Variants in FBXO11 observed in about 807,000 individuals in gnomAD.
FBXO11 encodes the protein F-box only protein 11.
Under a neutral mutation model 117.0 loss-of-function variants are expected in FBXO11, and 13 were observed. The observed-to-expected ratio is 0.11, with a 90% CI of 0.07 to 0.18. The LOEUF (loss-of-function observed/expected upper bound fraction) is 0.18, where lower values mean the gene tolerates loss of function less well. Among genes scored for constraint, FBXO11 ranks in the 10% least tolerant of loss-of-function variants. The pLI, the probability that FBXO11 is intolerant of heterozygous loss-of-function variation, is 1.00. For synonymous variants in FBXO11, 490 were observed against 380.5 expected (o/e 1.29, Z -3.35); for missense variants, 767 against 1,164.4 (o/e 0.66, Z 4.97).
chr2:47,860,948 G>A (rs1390148455), intron 1 of FBXO11, among the ~76,000 whole-genome samples: 1 of 149,892 alleles, frequency 6.7e-6, no homozygotes, highest in Admixed American at 6.7e-5. Flanking sequence ...CCGGGTTCAA[G>A]TGATTCTCCT....
At chr2:47,819,190 C>T (rs1480535835) in intron 14 of FBXO11, 112 bp from the exon 15 acceptor site, 8 of 964,832 alleles carry the variant, frequency 8.3e-6, no homozygotes, top group Admixed American at 2.7e-5. Flanking sequence ...TTTTTTCATC[C>T]GAGTAAGGAG....
At chr2:47,818,425 G>A (rs1183090522) in intron 16 of FBXO11, 9 of 186,906 alleles carry the variant, frequency 4.8e-5, no homozygotes, top group African/African-American at 2.1e-4. Context: ...GCATAAAACA[G>A]AAGCTTCATT....
intron 12 of FBXO11, among the ~76,000 whole-genome samples, chr2:47,822,716 G>C (rs1671476412): frequency 6.6e-6 from 1 of 152,138 alleles, no homozygotes; most frequent in South Asian, 2.1e-4. Flanking sequence ...ACAGCTTGCA[G>C]TTTTTGACTT....
intron 1 of FBXO11, among the ~76,000 whole-genome samples, chr2:47,863,905 C>T (rs935111836): frequency 3.3e-5 from 5 of 151,182 alleles, no homozygotes; most frequent in Admixed American, 2.6e-4. Flanking sequence ...TGTGCCAATG[C>T]ACTCCAACCT....
At chr2:47,828,845 C>A (rs1054491548) in intron 11 of FBXO11, among the ~76,000 whole-genome samples, 1 of 152,146 alleles carries the variant, frequency 6.6e-6, no homozygotes, top group Non-Finnish European at 1.5e-5. Flanking sequence ...TAACTAAAGG[C>A]TATAATAAGC....
At position 47,820,345 on chromosome 2, in the gene FBXO11, T is replaced by C. The variant is rs1243584915; in HGVS notation, c.1797+17A>G. ...TTTGATGCATGAGTTTATAGGGAAC[T>C]ATATACATTAACTTACCACATAAAT... On this transcript the variant is annotated intron_variant, in intron 14 of 22. Coordinates refer to ENST00000403359, the MANE Select transcript of FBXO11 (RefSeq NM_001190274.2). 1 of 1,602,844 alleles carries C rather than the reference T, an allele frequency of 6.2e-7. No individual in the cohort carries two copies. The highest frequency in any genetic ancestry group is 1.3e-5 in the African/African-American group (1 of 74,846).
At chr2:47,827,521 G>T (rs1671848590) in intron 11 of FBXO11, among the ~76,000 whole-genome samples, 1 of 152,072 alleles carries the variant, frequency 6.6e-6, no homozygotes, top group East Asian at 1.9e-4. Flanking sequence ...TGGCCAGGAT[G>T]GTCTGGAACT....
chr2:47,864,177 CTAAT>C (rs1675011282), intron 1 of FBXO11, among the ~76,000 whole-genome samples: 1 of 152,160 alleles, frequency 6.6e-6, no homozygotes, highest in Admixed American at 6.5e-5. Context: ...AGAATCCCTC[CTAAT>C]TAAATGTTCC....
At chr2:47,889,757 C>T (rs1677125291) in intron 1 of FBXO11, among the ~76,000 whole-genome samples, 1 of 151,928 alleles carries the variant, frequency 6.6e-6, no homozygotes, top group Non-Finnish European at 1.5e-5. Context: ...AGAAAATATT[C>T]CCCACATAAA....
At chr2:47,855,175 G>A (rs1364910851) in intron 1 of FBXO11, among the ~76,000 whole-genome samples, 7 of 151,772 alleles carry the variant, frequency 4.6e-5, no homozygotes, top group Non-Finnish European at 1.0e-4. Context: ...AAAATTTGGG[G>A]GAAAATGACA....
At position 47,814,756 on chromosome 2, in the gene FBXO11, A is replaced by G. The variant is rs535462177; in HGVS notation, c.2007-889T>C. ...TTCCTTTCACGGAAGATTTCTCTGT[A>G]GCATGCAATGTTGTTATAGCATTTT... On this transcript the variant is annotated intron_variant, in intron 16 of 22. Coordinates refer to ENST00000403359, the MANE Select transcript of FBXO11 (RefSeq NM_001190274.2). Among the ~76,000 whole-genome samples, 3 of 152,226 alleles carry G rather than the reference A, an allele frequency of 2.0e-5. No homozygotes were observed. In the South Asian group the frequency reaches 6.2e-4, roughly 31 times the overall value.
rs1450340318 is a variant in FBXO11 at position 47,905,658 on chromosome 2, C to T, written c.63G>A (p.Gln21=). The change falls in exon 1 of 23, where the codon CAG becomes CAA. Residue 21 remains glutamine, a synonymous_variant. Coordinates refer to ENST00000403359, the MANE Select transcript of FBXO11 (RefSeq NM_001190274.2). The part of the protein sequence containing the change: ...PRRVSRPRPV[Q]QQQQQPPQQP... ...GCTGCGGGGGCTGCTGCTGCTGTTG[C>T]TGCACCGGGCGCGGCCGCGACACTC... The T allele has an allele frequency of 1.3e-6, 2 of 1,494,654 alleles. No homozygotes were observed. Among genetic ancestry groups the T allele is most frequent in the South Asian group, 1.2e-5 (1 of 80,568 alleles). The allele number at this position is 1,494,654 out of a possible 1,614,324, so 92.6% of individuals were successfully genotyped here. A position where few individuals can be genotyped will look rare whatever the true frequency, so the allele number is the denominator to read the frequency against.
At chr2:47,885,536 C>T in intron 1 of FBXO11, among the ~76,000 whole-genome samples, 1 of 151,920 alleles carries the variant, frequency 6.6e-6, no homozygotes, top group Non-Finnish European at 1.5e-5. Flanking sequence ...GCTCACACCA[C>T]TGCACTCCAG....
intron 4 of FBXO11, 82 bp downstream of exon 4, chr2:47,838,777 C>CGT: frequency 7.4e-7 from 1 of 1,342,352 alleles, no homozygotes. Context: ...ACCAACTCAC[C>CGT]GCACCGACTT....
chr2:47,856,867 A>T (rs1459140760), intron 1 of FBXO11, among the ~76,000 whole-genome samples: 1 of 152,236 alleles, frequency 6.6e-6, no homozygotes, highest in Admixed American at 6.5e-5. Flanking sequence ...AATACAAAGG[A>T]CGGAGTCTAC....
intron 1 of FBXO11, among the ~76,000 whole-genome samples, chr2:47,858,802 T>C (rs1055738522): frequency 2.0e-5 from 3 of 151,342 alleles, no homozygotes; most frequent in Admixed American, 6.6e-5. Context: ...GCCAGCACCT[T>C]GGGAGGCCAA....
At chr2:47,902,403 G>A (rs530118616) in intron 1 of FBXO11, among the ~76,000 whole-genome samples, 2 of 152,204 alleles carry the variant, frequency 1.3e-5, no homozygotes, top group East Asian at 1.9e-4. Context: ...TACGTGGGGT[G>A]TAAGAAATGC....
chr2:47,896,611 C>T (rs139218744), intron 1 of FBXO11, among the ~76,000 whole-genome samples: 2,216 of 152,306 alleles, frequency 0.015, 53 homozygotes, highest in Admixed American at 0.062. Flanking sequence ...GGATTACAGG[C>T]ATGAGCCACT....
chr2:47,856,723 C>T (rs947811477), intron 1 of FBXO11, among the ~76,000 whole-genome samples: 1 of 152,156 alleles, frequency 6.6e-6, no homozygotes, highest in Non-Finnish European at 1.5e-5. Flanking sequence ...TACTTTTTAA[C>T]TTCAACAATC....
Sources: gnomAD v4.1 joint callset for allele counts (sites outside exome capture counted in the v4.1 genomes callset) on GRCh38, gnomAD v4.1.1 for gene constraint, MANE v1.5 for transcripts, NCBI Gene and HGNC (gene_info 2026-07-23, HGNC 2026-07-21) for gene names.